ADCYAP1R1: variants seen among roughly 807,000 people sequenced by gnomAD.
ADCYAP1R1 encodes the protein pituitary adenylate cyclase-activating polypeptide type I receptor.
ADCYAP1R1 carries 44 observed loss-of-function variants against 67.6 expected under a neutral mutation model. The ratio of observed to expected loss-of-function variants is 0.65; its 90% CI spans 0.51 to 0.84. The LOEUF is 0.84. Among genes scored for constraint, ADCYAP1R1 ranks in the 40% least tolerant of loss-of-function variants. The probability of loss-of-function intolerance (pLI) is 0.00; values close to 1 mark genes in which losing one functional copy is unlikely to be tolerated. For synonymous variants in ADCYAP1R1, 222 were observed against 219.6 expected, an observed-to-expected ratio of 1.01 and a Z score of -0.10; for missense variants, 477 against 587.9, an observed-to-expected ratio of 0.81 and a Z score of 1.95.
intron 1 of ADCYAP1R1, among the ~76,000 whole-genome samples, chr7:31,055,430 T>C (rs932334362): frequency 6.6e-6 from 1 of 152,168 alleles, no homozygotes; most frequent in Non-Finnish European, 1.5e-5. Flanking sequence ...ATAGCAATTA[T>C]TTTACGCTTG....
At chr7:31,095,059 A>T (rs1157664086) in intron 13 of ADCYAP1R1, among the ~76,000 whole-genome samples, 1 of 152,084 alleles carries the variant, frequency 6.6e-6, no homozygotes, top group East Asian at 1.9e-4. Flanking sequence ...GGTCAAGGAG[A>T]CCCTGTCGGC....
At chr7:31,090,535 A>G (rs1227789846) in intron 12 of ADCYAP1R1, among the ~76,000 whole-genome samples, 2 of 152,234 alleles carry the variant, frequency 1.3e-5, no homozygotes, top group Admixed American at 6.5e-5. Flanking sequence ...TGAGCATATT[A>G]CCCAACAGTT....
At chr7:31,088,716 A>G (rs1032300017) in intron 12 of ADCYAP1R1, among the ~76,000 whole-genome samples, 1 of 152,110 alleles carries the variant, frequency 6.6e-6, no homozygotes, top group Non-Finnish European at 1.5e-5. Flanking sequence ...TGTGTTACTA[A>G]TGTATTTGTC....
At chr7:31,073,759 G>T (rs1013253161) in intron 3 of ADCYAP1R1, among the ~76,000 whole-genome samples, 2 of 152,188 alleles carry the variant, frequency 1.3e-5, no homozygotes, top group Non-Finnish European at 2.9e-5. Flanking sequence ...GCAGCTGTGA[G>T]TCTCTTGAGA....
intron 1 of ADCYAP1R1, among the ~76,000 whole-genome samples, chr7:31,057,476 G>A (rs1794300279): frequency 6.6e-6 from 1 of 152,226 alleles, no homozygotes; most frequent in Non-Finnish European, 1.5e-5. Flanking sequence ...GCCCTTCCTT[G>A]CTTTGGACCT....
At chr7:31,068,390 A>T (rs181475146) in intron 3 of ADCYAP1R1, among the ~76,000 whole-genome samples, 3 of 152,238 alleles carry the variant, frequency 2.0e-5, no homozygotes, top group East Asian at 3.9e-4. Context: ...CAAGCTGTGC[A>T]TGTGGATGGT....
Position 31,085,388 on chromosome 7 carries a change from C to T in ADCYAP1R1, c.615C>T (p.Ile205=). The change falls in exon 9 of 16, where the codon ATC becomes ATT. Residue 205 remains isoleucine (I), a synonymous_variant. Transcript: ENST00000304166. ...SFMLRAISVF[I]KDWILYAEQD... ...TGCTGAGGGCGATCTCCGTCTTCAT[C>T]AAAGACTGGATTCTGTATGCGGAGC... 6.2e-7 allele frequency: 1 copy of T among 1,614,050 alleles called. No individual in the cohort carries two copies. Among genetic ancestry groups the T allele is most frequent in the South Asian group, 1.1e-5 (1 of 91,080 alleles).
chr7:31,054,987 G>A (rs1475655092), intron 1 of ADCYAP1R1, among the ~76,000 whole-genome samples: 1 of 152,228 alleles, frequency 6.6e-6, no homozygotes, highest in Non-Finnish European at 1.5e-5. Flanking sequence ...GTTGGGCTTA[G>A]TGGTCCAGCC....
intron 3 of ADCYAP1R1, among the ~76,000 whole-genome samples, chr7:31,071,973 A>C (rs886651074): frequency 1.8e-5 from 2 of 113,054 alleles, no homozygotes; most frequent in Admixed American, 9.8e-5. Flanking sequence ...CCATCCATCC[A>C]TCCATCCATC....
At chr7:31,072,692 G>A (rs1207553714) in intron 3 of ADCYAP1R1, among the ~76,000 whole-genome samples, 1 of 152,168 alleles carries the variant, frequency 6.6e-6, no homozygotes, top group Non-Finnish European at 1.5e-5. Context: ...GTGGTAGGTC[G>A]AATAATGCCC....
chr7:31,111,414 G>A lies in ADCYAP1R1; in HGVS notation c.*4730G>A, dbSNP rs1318913726. The stretch of plus-strand genomic sequence containing the variant: ...CCATTAATGCTGTGCTCACTATCTT[G>A]TCCAGGATTTTAAGGATGTCAGACT... On this transcript the variant is annotated 3_prime_UTR_variant, in exon 16 of 16. Coordinates refer to ENST00000304166, the MANE Select transcript of ADCYAP1R1 (RefSeq NM_001118.5). 1 of 152,122 alleles carries A rather than the reference G, an allele frequency of 6.6e-6. No homozygotes were observed. Among genetic ancestry groups the A allele is most frequent in the African/African-American group, 2.4e-5 (1 of 41,396 alleles). The allele number at this position is 152,122 out of a possible 1,614,324, so 9.4% of individuals were successfully genotyped here.
Position 31,084,737 on chromosome 7 carries a change from G to T in ADCYAP1R1, c.439G>T (p.Asp147Tyr). Residue 147 changes from aspartate to tyrosine, a missense_variant and splice_region_variant, in exon 8 of 16, where the codon GAT becomes TAT. Coordinates refer to ENST00000304166, the MANE Select transcript of ADCYAP1R1 (RefSeq NM_001118.5). Reference sequence around the variant, plus strand: ...CTGCATGTCCTGTGCTCTGCTTCAGGATTATTACTACCTGTCAGTGAAGGC... The same window carrying T: ...CTGCATGTCCTGTGCTCTGCTTCAGTATTATTACTACCTGTCAGTGAAGGC... ...DEYESETGDQ[D>Y]YYYLSVKALY... 6.2e-7 allele frequency: 1 copy of T among 1,613,660 alleles called. No individual in the cohort carries two copies. Among genetic ancestry groups the T allele is most frequent in the Non-Finnish European group, 8.5e-7 (1 of 1,179,572 alleles).
intron 5 of ADCYAP1R1, 68 bp from the exon 6 acceptor site, chr7:31,081,645 G>A (rs1795517118): frequency 1.5e-6 from 2 of 1,341,918 alleles, no homozygotes; most frequent in African/African-American, 1.5e-5. Flanking sequence ...GCCTTCCAGG[G>A]TGGAGAGTAA....
At chr7:31,081,526 G>A (rs1186944352) in intron 5 of ADCYAP1R1, among the ~76,000 whole-genome samples, 187 bp from the exon 6 acceptor site, 3 of 152,200 alleles carry the variant, frequency 2.0e-5, no homozygotes, top group Admixed American at 2.0e-4. Context: ...GCAAGTGAGA[G>A]TGGTGTTAGA....
At chr7:31,087,550 A>T in intron 11 of ADCYAP1R1, 77 bp from the exon 12 acceptor site, 2 of 1,337,278 alleles carry the variant, frequency 1.5e-6, no homozygotes, top group Non-Finnish European at 2.1e-6. Flanking sequence ...GCACCCAGCT[A>T]GGCAGGGCAG....
intron 3 of ADCYAP1R1, among the ~76,000 whole-genome samples, chr7:31,068,309 G>A (rs549217881): frequency 6.6e-6 from 1 of 152,278 alleles, no homozygotes; most frequent in African/African-American, 2.4e-5. Context: ...AACAGATGAG[G>A]CTGCTTAGAC....
At chr7:31,084,021 T>C in intron 6 of ADCYAP1R1, 120 bp from the exon 7 acceptor site, 1 of 762,948 alleles carries the variant, frequency 1.3e-6, no homozygotes, top group East Asian at 2.6e-5. Flanking sequence ...CCTTTCCCCA[T>C]GCTTCCCAGT....
At chr7:31,062,895 T>A (rs749098852) in intron 1 of ADCYAP1R1, among the ~76,000 whole-genome samples, 1 of 152,166 alleles carries the variant, frequency 6.6e-6, no homozygotes, top group East Asian at 1.9e-4. Flanking sequence ...ATGCAAAGGT[T>A]TGGGGAGGCA....
At chr7:31,098,293 A>G (rs1796289819) in intron 13 of ADCYAP1R1, among the ~76,000 whole-genome samples, 1 of 152,250 alleles carries the variant, frequency 6.6e-6, no homozygotes, top group Admixed American at 6.5e-5. Context: ...TATTTTAATT[A>G]TTGAGAAAAA....
Sources: allele counts gnomAD v4.1 joint callset (sites outside exome capture counted in the v4.1 genomes callset), GRCh38; gene constraint gnomAD v4.1.1; transcripts MANE v1.5; gene names NCBI Gene and HGNC (gene_info 2026-07-23, HGNC 2026-07-21).